The following PRMT8 variants were observed in gnomAD, a reference collection of about 807,000 sequenced individuals.
The protein encoded by PRMT8 is protein arginine N-methyltransferase 8.
Under a neutral mutation model 47.1 loss-of-function variants are expected in PRMT8, and 7 were observed. The ratio of observed to expected loss-of-function variants is 0.15; its 90% CI spans 0.08 to 0.28. PRMT8 has a LOEUF of 0.28. PRMT8 is among the 10% of genes least tolerant of loss of function. The pLI, the probability that PRMT8 is intolerant of heterozygous loss-of-function variation, is 1.00. For synonymous variants in PRMT8, 188 were observed against 186.5 expected (o/e 1.01, Z -0.07); for missense variants, 237 against 505.4 (o/e 0.47, Z 5.09).
In PRMT8 at chr12:3,564,205, G is replaced by C. The variant is rs910363121; in HGVS notation, c.482-4501G>C. 1.3e-5 allele frequency among the ~76,000 whole-genome samples: 2 copies of C among 152,176 alleles called. No individual in the cohort carries two copies. The highest frequency in any genetic ancestry group is 3.9e-4 in the East Asian group (2 of 5,168). On this transcript the variant is annotated intron_variant, in intron 4 of 9. Transcript: ENST00000382622. This position sits in a 1 kb window ranked among gnomAD's most constrained non-coding sequence, Gnocchi z 4.0. ...TTTGCTGCAGTGGGGTTGGCAGGGGGGTCAGGGGGCTTCATAGGCTCATAA... is the reference window on the plus strand; with the variant it reads ...TTTGCTGCAGTGGGGTTGGCAGGGGCGTCAGGGGGCTTCATAGGCTCATAA...
At chr12:3,457,944 G>A (rs141150811) in intron 1 of PRMT8, among the ~76,000 whole-genome samples, 5,146 of 146,802 alleles carry the variant, frequency 0.035, 127 homozygotes, top group Non-Finnish European at 0.052. Context: ...CCGGGTTCAA[G>A]TGATTCCCCT....
At chr12:3,528,047 C>T (rs1040195837) in intron 1 of PRMT8, among the ~76,000 whole-genome samples, 1 of 152,048 alleles carries the variant, frequency 6.6e-6, no homozygotes, top group Non-Finnish European at 1.5e-5. Context: ...TAATATATCT[C>T]CCCATCCCCC....
At chr12:3,452,025 A>G (rs1864924025) in intron 1 of PRMT8, among the ~76,000 whole-genome samples, 1 of 152,168 alleles carries the variant, frequency 6.6e-6, no homozygotes, top group African/African-American at 2.4e-5. Context: ...ATGGCCTGCA[A>G]TTTTCTTTAG....
At position 3,583,344 on chromosome 12, in the gene PRMT8, A is replaced by ATGGCTGGAGAGG; in HGVS notation, c.979+136_979+137insTGGCTGGAGAGG. 4.2e-6 allele frequency: 4 copies of ATGGCTGGAGAGG among 957,394 alleles called. No individual in the cohort carries two copies. The highest frequency in any genetic ancestry group is 4.6e-6 in the Non-Finnish European group (3 of 657,172). 59.3% of individuals were successfully genotyped at this position (957,394 alleles called of 1,614,324 possible). A position where few individuals can be genotyped will look rare whatever the true frequency, so the allele number is the denominator to read the frequency against. Reference sequence around the variant, plus strand: ...TGGGTGACACCTATCAACCCTCTCCAGCCATGGAGGAACCATGCATCCCTA... The same window carrying ATGGCTGGAGAGG: ...TGGGTGACACCTATCAACCCTCTCCATGGCTGGAGAGGGCCATGGAGGAACCATGCATCCCTA... On this transcript the variant is annotated intron_variant, in intron 8 of 9. Coordinates refer to ENST00000382622, the MANE Select transcript of PRMT8 (RefSeq NM_019854.5). This position sits in a 1 kb window ranked among gnomAD's most constrained non-coding sequence, Gnocchi z 4.7.
intron 1 of PRMT8, among the ~76,000 whole-genome samples, chr12:3,530,774 C>A (rs78666558): frequency 6.6e-6 from 1 of 152,202 alleles, no homozygotes; most frequent in African/African-American, 2.4e-5. Flanking sequence ...AAAGATAGCA[C>A]CCTGGCACAG....
chr12:3,549,754 G>T (rs904367170), intron 2 of PRMT8, among the ~76,000 whole-genome samples, 182 bp from the exon 3 acceptor site: 2 of 152,206 alleles, frequency 1.3e-5, no homozygotes, highest in Admixed American at 6.5e-5. Flanking sequence ...GGCAGGGGAA[G>T]TTTGGAATGA....
chr12:3,424,949 G>A (rs1245814961), intron 1 of PRMT8, among the ~76,000 whole-genome samples: 2 of 152,178 alleles, frequency 1.3e-5, no homozygotes, highest in Admixed American at 6.5e-5. Context: ...TGTGACTGGA[G>A]CAGGGCTCAT....
chr12:3,486,050 AC>A (rs1378590623), intron 1 of PRMT8, among the ~76,000 whole-genome samples: 1 of 152,210 alleles, frequency 6.6e-6, no homozygotes, highest in East Asian at 1.9e-4. Flanking sequence ...GTGTTATGCC[AC>A]AAGTGACATT....
chr12:3,577,475 C>A (rs1196822821), intron 7 of PRMT8, among the ~76,000 whole-genome samples: 1 of 152,100 alleles, frequency 6.6e-6, no homozygotes, highest in African/African-American at 2.4e-5. Flanking sequence ...CCTGTTCATG[C>A]TCTCGCCTCC....
chr12:3,461,774 TAA>T (rs1865044701), intron 1 of PRMT8, among the ~76,000 whole-genome samples: 1 of 151,226 alleles, frequency 6.6e-6, no homozygotes. Context: ...AAGTATAATT[TAA>T]AGAGTTTACT....
rs1293934725 is a variant in PRMT8 at position 3,397,489 on chromosome 12, C to T, written c.48+16047C>T. Among the ~76,000 whole-genome samples, 4 of 150,684 alleles carry T rather than the reference C, an allele frequency of 2.7e-5. 1 individual carries two copies. The highest frequency in any genetic ancestry group is 7.3e-5 in the African/African-American group (3 of 40,824). ...TGGGCCCTGTGAGGTGTCAGTCTGC[C>T]CCTGCTGGGGGGTGCCTCCCAGTTA... On this transcript the variant is annotated intron_variant, in intron 1 of 9. Transcript: ENST00000452611.
chr12:3,535,014 G>A lies in PRMT8; in HGVS notation c.76-5592G>A, dbSNP rs1192260328. ...AAGTGCTTGGCGCAGCGCCTGGGGC[G>A]CAGTGGGCCCTTAGTCAATGTTAGG... is the stretch of plus-strand genomic sequence containing the variant. On this transcript the variant is annotated intron_variant, in intron 1 of 9. Coordinates refer to ENST00000382622, the MANE Select transcript of PRMT8 (RefSeq NM_019854.5). The surrounding 1 kb of genome is among the most constrained non-coding windows in gnomAD (Gnocchi z 4.7). 6.6e-6 allele frequency among the ~76,000 whole-genome samples: 1 copy of A among 152,240 alleles called. No homozygotes were observed. Among genetic ancestry groups the A allele is most frequent in the Non-Finnish European group, 1.5e-5 (1 of 68,054 alleles).
intron 1 of PRMT8, among the ~76,000 whole-genome samples, chr12:3,438,538 C>T (rs1042878643): frequency 3.3e-5 from 5 of 152,158 alleles, no homozygotes; most frequent in African/African-American, 4.8e-5. Flanking sequence ...AGAAGTGGGG[C>T]GGGTAGTCCC....
At chr12:3,385,234 A>G (rs1864127276) in intron 1 of PRMT8, among the ~76,000 whole-genome samples, 1 of 152,162 alleles carries the variant, frequency 6.6e-6, no homozygotes, top group African/African-American at 2.4e-5. Context: ...TATTGTCCCC[A>G]TTTTACTGAT....
chr12:3,569,000 A>AACAGACATCCGTTC, intron 5 of PRMT8, 152 bp downstream of exon 5: 1 of 1,092,476 alleles, frequency 9.2e-7, no homozygotes, highest in Non-Finnish European at 1.3e-6. Context: ...GCAGATCTGT[A>AACAGACATCCGTTC]TCAGGGAACA....
At chr12:3,518,049 A>G (rs1413866737) in intron 1 of PRMT8, among the ~76,000 whole-genome samples, 2 of 152,072 alleles carry the variant, frequency 1.3e-5, no homozygotes, top group Non-Finnish European at 1.5e-5. Flanking sequence ...GAGAAAAAAA[A>G]AAAAGCATAG....
chr12:3,568,641 T>G, intron 4 of PRMT8, 65 bp from the exon 5 acceptor site: 67 of 1,585,962 alleles, frequency 4.2e-5, no homozygotes, highest in Non-Finnish European at 5.1e-5. Flanking sequence ...GGCCCTGAAG[T>G]GAGGTGCTTG....
intron 1 of PRMT8, among the ~76,000 whole-genome samples, chr12:3,411,104 C>G (rs887800276): frequency 2.0e-5 from 3 of 152,164 alleles, no homozygotes; most frequent in Non-Finnish European, 4.4e-5. Flanking sequence ...GTAACTAGAG[C>G]ATAGCTCTTT....
intron 7 of PRMT8, among the ~76,000 whole-genome samples, chr12:3,578,707 G>A (rs902260145): frequency 1.3e-5 from 2 of 152,160 alleles, no homozygotes; most frequent in Non-Finnish European, 2.9e-5. Flanking sequence ...GGTGGGGGAG[G>A]TTTCTGAAAG....
Sources: gnomAD v4.1 joint callset for allele counts (sites outside exome capture counted in the v4.1 genomes callset) on GRCh38, gnomAD v4.1.1 for gene constraint, Gnocchi (gnomAD v3.1) non-coding constraint, MANE v1.5 for transcripts, NCBI Gene and HGNC (gene_info 2026-07-23, HGNC 2026-07-21) for gene names.